The following CHIA variants were observed in gnomAD, a reference collection of about 807,000 sequenced individuals.
CHIA encodes acidic mammalian chitinase.
In CHIA, 47 loss-of-function variants were observed where a neutral mutation model predicts 53.5. The ratio of observed to expected loss-of-function variants is 0.88; its 90% CI spans 0.70 to 1.12. The LOEUF is 1.12. Ranked by LOEUF, CHIA falls within the 50% of genes most tolerant of loss-of-function variation. The pLI is 0.00. For synonymous variants in CHIA, 268 were observed against 222.2 expected (o/e 1.21, Z -1.83); for missense variants, 652 against 592.2 (o/e 1.10, Z -1.05).
intron 1 of CHIA, among the ~76,000 whole-genome samples, chr1:111,300,613 T>A (rs1463650772): frequency 6.6e-6 from 1 of 152,136 alleles, no homozygotes; most frequent in Non-Finnish European, 1.5e-5. Flanking sequence ...ATATTAGACT[T>A]AAAACCATAA....
At position 111,318,610 on chromosome 1, in the gene CHIA, G is replaced by A. The variant is rs770098782; in HGVS notation, c.847G>A (p.Ala283Thr). The A allele has an allele frequency of 1.2e-6, 2 of 1,614,192 alleles. No individual in the cohort carries two copies. Among genetic ancestry groups the A allele is most frequent in the Non-Finnish European group, 1.7e-6 (2 of 1,180,030 alleles). ...CAACCCCTCCAACACTGGAATTGGT[G>A]CCCCCACCTCTGGTGCTGGTCCTGC... is the stretch of plus-strand genomic sequence containing the variant. ...LSNPSNTGIG[A>T]PTSGAGPAGP... The change falls in exon 9 of 12, where the codon GCC becomes ACC. Residue 283 changes from alanine to threonine, a missense_variant. By Grantham distance (58) the Ala-to-Thr change is moderately conservative (BLOSUM62 0). Transcript: ENST00000369740.
chr1:111,291,400 T>G (rs1445487214), intron 1 of CHIA, among the ~76,000 whole-genome samples: 1 of 151,848 alleles, frequency 6.6e-6, no homozygotes, highest in Non-Finnish European at 1.5e-5. Flanking sequence ...CTCAGCAAAC[T>G]AACACAGAAA....
chr1:111,297,546 G>T (rs112744728), intron 1 of CHIA, among the ~76,000 whole-genome samples: 1 of 152,094 alleles, frequency 6.6e-6, no homozygotes, highest in Non-Finnish European at 1.5e-5. Flanking sequence ...GTCACCACCA[G>T]GCCTGCCTTA....
intron 1 of CHIA, among the ~76,000 whole-genome samples, chr1:111,297,395 GC>G (rs1214013720): frequency 6.6e-6 from 1 of 152,206 alleles, no homozygotes; most frequent in African/African-American, 2.4e-5. Context: ...AACTCTACAA[GC>G]CAGAAGAGAG....
chr1:111,312,756 C>G (rs1283665858), intron 4 of CHIA, among the ~76,000 whole-genome samples: 1 of 152,118 alleles, frequency 6.6e-6, no homozygotes, highest in Non-Finnish European at 1.5e-5. Context: ...TTCCTCATTT[C>G]TAACTGAAAT....
chr1:111,312,320 GAAC>G lies in CHIA; in HGVS notation c.190_192del (p.Asn64del). 1 of 1,614,142 alleles carries G rather than the reference GAAC, an allele frequency of 6.2e-7. No individual in the cohort carries two copies. Among genetic ancestry groups the G allele is most frequent in the Non-Finnish European group, 8.5e-7 (1 of 1,180,004 alleles). ...TGATCTACGCCTTTGCTGGGAGGCA[GAAC>G]AACGAGATCACCACCATCGAATGGA... On this transcript the variant is annotated inframe_deletion, in exon 4 of 12. Coordinates refer to ENST00000369740, the MANE Select transcript of CHIA (RefSeq NM_201653.4).
chr1:111,309,639 G>A (rs1328737009), intron 1 of CHIA, among the ~76,000 whole-genome samples: 4 of 152,182 alleles, frequency 2.6e-5, no homozygotes, highest in Non-Finnish European at 5.9e-5. Flanking sequence ...ATAGTCCTTT[G>A]GCCAAAAGAG....
intron 1 of CHIA, among the ~76,000 whole-genome samples, chr1:111,305,441 T>C (rs917034297): frequency 1.3e-5 from 2 of 152,194 alleles, no homozygotes; most frequent in African/African-American, 4.8e-5. Flanking sequence ...TCTCTGATAG[T>C]TGAAGGACAT....
intron 1 of CHIA, among the ~76,000 whole-genome samples, chr1:111,306,153 A>G (rs768970704): frequency 6.6e-6 from 1 of 152,210 alleles, no homozygotes; most frequent in African/African-American, 2.4e-5. Flanking sequence ...CATTTTTTCC[A>G]ATGTTATTCC....
At position 111,311,762 on chromosome 1, in the gene CHIA, G is replaced by C. The variant is rs757529795; in HGVS notation, c.55+44G>C. The C allele has an allele frequency of 1.6e-5, 25 of 1,590,372 alleles. No individual in the cohort carries two copies. The Middle Eastern group carries it at 2.0e-3, about 126-fold the overall frequency. ...GTTTTATCATTGAATGTATATATAC[G>C]AGATAAACCATACTATGGAAAGAGA... On this transcript the variant is annotated intron_variant, in intron 3 of 11. Coordinates refer to ENST00000369740, the MANE Select transcript of CHIA (RefSeq NM_201653.4).
intron 1 of CHIA, 78 bp from the exon 2 acceptor site, chr1:111,310,322 G>A (rs1420559975): frequency 1.4e-6 from 2 of 1,475,568 alleles, no homozygotes; most frequent in Non-Finnish European, 1.8e-6. Flanking sequence ...GGTCTTGGGA[G>A]GGTGTTTGTA....
chr1:111,303,494 T>C (rs1476743132), intron 1 of CHIA, among the ~76,000 whole-genome samples: 2 of 151,962 alleles, frequency 1.3e-5, no homozygotes, highest in African/African-American at 4.8e-5. Context: ...CACACACATA[T>C]GAATACACAC....
At chr1:111,303,376 G>A (rs766167386) in intron 1 of CHIA, among the ~76,000 whole-genome samples, 7 of 151,664 alleles carry the variant, frequency 4.6e-5, no homozygotes, top group Non-Finnish European at 1.0e-4. Context: ...TTGATTGTTC[G>A]TAGTGAAATG....
Position 111,320,563 on chromosome 1 carries a change from A to C in CHIA, c.*97A>C. 1 of 1,170,454 alleles carries C rather than the reference A, an allele frequency of 8.5e-7. No homozygotes were observed. The highest frequency in any genetic ancestry group is 2.4e-5 in the East Asian group (1 of 42,424). 72.5% of individuals were successfully genotyped at this position (1,170,454 alleles called of 1,614,324 possible). A position where few individuals can be genotyped will look rare whatever the true frequency, so the allele number is the denominator to read the frequency against. ...CTGCAATAAAATCAGCAGTCAAAAC[A>C]TGACTGTCCTTGCTTTTAAGTGATT... On this transcript the variant is annotated 3_prime_UTR_variant, in exon 12 of 12. Transcript: ENST00000369740.
intron 1 of CHIA, among the ~76,000 whole-genome samples, chr1:111,297,613 A>G (rs1647277864): frequency 6.6e-6 from 1 of 152,134 alleles, no homozygotes; most frequent in Admixed American, 6.6e-5. Flanking sequence ...ACCAGCCACT[A>G]CAAAAACATG....
At chr1:111,301,768 G>C (rs1034346201) in intron 1 of CHIA, among the ~76,000 whole-genome samples, 2 of 149,968 alleles carry the variant, frequency 1.3e-5, no homozygotes, top group African/African-American at 4.9e-5. Flanking sequence ...TGAAGCTGAA[G>C]CTGGAAACCA....
chr1:111,294,677 T>A (rs1461564158), intron 1 of CHIA, among the ~76,000 whole-genome samples: 1 of 152,198 alleles, frequency 6.6e-6, no homozygotes, highest in Non-Finnish European at 1.5e-5. Context: ...TTGCTGTGGG[T>A]TTTTCAAACA....
chr1:111,298,592 G>A (rs1003737171), intron 1 of CHIA, among the ~76,000 whole-genome samples: 4 of 152,214 alleles, frequency 2.6e-5, no homozygotes, highest in Non-Finnish European at 2.9e-5. Context: ...AAAGCAGTGT[G>A]TAGAGGGAAA....
At chr1:111,301,563 G>A (rs1373221124) in intron 1 of CHIA, among the ~76,000 whole-genome samples, 7 of 151,998 alleles carry the variant, frequency 4.6e-5, no homozygotes, top group East Asian at 3.9e-4. Context: ...TTAGCCAGGC[G>A]TGGTGGCAGG....
Sources: gnomAD v4.1 joint callset for allele counts (sites outside exome capture counted in the v4.1 genomes callset) on GRCh38, gnomAD v4.1.1 for gene constraint, MANE v1.5 for transcripts, NCBI Gene and HGNC (gene_info 2026-07-23, HGNC 2026-07-21) for gene names.